CNTNAP2: variants seen among roughly 807,000 people sequenced by gnomAD.
CNTNAP2 encodes contactin-associated protein-like 2.
A neutral mutation model predicts 155.2 loss-of-function variants in CNTNAP2; 98 were observed. The observed-to-expected ratio is 0.63, with a 90% CI of 0.54 to 0.75. CNTNAP2 has a LOEUF of 0.75. CNTNAP2 is among the 30% of genes least tolerant of loss of function. CNTNAP2 has a pLI of 0.00. For missense variants in CNTNAP2, 1,727 were observed against 1,688.1 expected, an observed-to-expected ratio of 1.02 and a Z score of -0.40; for synonymous variants, 651 against 631.2, an observed-to-expected ratio of 1.03 and a Z score of -0.47.
intron 13 of CNTNAP2, among the ~76,000 whole-genome samples, chr7:147,723,602 C>G (rs1319911658): frequency 6.6e-6 from 1 of 151,374 alleles, no homozygotes; most frequent in Admixed American, 6.6e-5. Flanking sequence ...TTGCAAAACT[C>G]TGCTTATACG....
At chr7:146,976,721 A>G (rs1213651003) in intron 3 of CNTNAP2, among the ~76,000 whole-genome samples, 1 of 152,094 alleles carries the variant, frequency 6.6e-6, no homozygotes, top group Non-Finnish European at 1.5e-5. Context: ...ATTGCATTGG[A>G]CAGGCATGAT....
At chr7:146,628,622 TA>T (rs1196125396) in intron 1 of CNTNAP2, among the ~76,000 whole-genome samples, 4 of 152,018 alleles carry the variant, frequency 2.6e-5, no homozygotes, top group Non-Finnish European at 4.4e-5. Flanking sequence ...ATGTCAATTT[TA>T]AAAAATAAAA....
chr7:147,652,688 T>C (rs1795465417), intron 13 of CNTNAP2, among the ~76,000 whole-genome samples: 1 of 151,644 alleles, frequency 6.6e-6, no homozygotes, highest in African/African-American at 2.4e-5. Context: ...CTAGACTCTA[T>C]ATATTTTCTA....
intron 1 of CNTNAP2, among the ~76,000 whole-genome samples, chr7:146,526,798 T>C (rs192601707): frequency 6.2e-4 from 95 of 152,296 alleles, no homozygotes; most frequent in African/African-American, 2.2e-3. Flanking sequence ...TTCCCAGAAG[T>C]TGGGTTTATT....
chr7:147,597,044 C>T (rs562316597), intron 12 of CNTNAP2, among the ~76,000 whole-genome samples: 82 of 152,352 alleles, frequency 5.4e-4, no homozygotes, highest in African/African-American at 1.6e-3. Context: ...GAATAGTCTA[C>T]CCCTTGTTTA....
chr7:147,998,134 C>T (rs1801839917), intron 15 of CNTNAP2, among the ~76,000 whole-genome samples: 1 of 97,430 alleles, frequency 1.0e-5, no homozygotes, highest in Non-Finnish European at 1.9e-5. Context: ...TTTTTTGAGA[C>T]GGAGTCTCAC....
rs369284735 is a variant in CNTNAP2, at chr7:146,550,157, T to C, written c.98-224114T>C. On this transcript the variant is annotated intron_variant, in intron 1 of 23. Transcript: ENST00000361727. Reference sequence around the variant, plus strand: ...CTAGTAGATTTGATAATTGTGTTATTTGAAGATCAACTGAATTTTTGCACA... The same window carrying C: ...CTAGTAGATTTGATAATTGTGTTATCTGAAGATCAACTGAATTTTTGCACA... Among the ~76,000 whole-genome samples, 28 of 152,094 alleles carry C rather than the reference T, an allele frequency of 1.8e-4. No individual in the cohort carries two copies. The East Asian group carries it at 5.2e-3, about 28-fold the overall frequency.
chr7:147,076,730 A>G (rs942899876), intron 4 of CNTNAP2, among the ~76,000 whole-genome samples: 2 of 152,192 alleles, frequency 1.3e-5, no homozygotes, highest in East Asian at 1.9e-4. Context: ...TGTAAATTTC[A>G]TTAATACTAT....
chr7:146,797,353 T>C (rs968471207), intron 2 of CNTNAP2, among the ~76,000 whole-genome samples: 2 of 152,104 alleles, frequency 1.3e-5, no homozygotes, highest in African/African-American at 4.8e-5. Context: ...TGGAGAAGAT[T>C]GTATGGGAGG....
intron 2 of CNTNAP2, among the ~76,000 whole-genome samples, chr7:146,777,199 T>C (rs1320142483): frequency 7.4e-6 from 1 of 135,074 alleles, no homozygotes; most frequent in Non-Finnish European, 1.7e-5. Context: ...GTCCTATAGA[T>C]ATAGATCTAC....
chr7:146,766,305 C>A (rs1316940920), intron 1 of CNTNAP2, among the ~76,000 whole-genome samples: 1 of 152,114 alleles, frequency 6.6e-6, no homozygotes, highest in African/African-American at 2.4e-5. Context: ...TTTAAAACTG[C>A]AGAAACCTCT....
chr7:146,866,498 A>G (rs1383468521), intron 3 of CNTNAP2, among the ~76,000 whole-genome samples: 2 of 152,170 alleles, frequency 1.3e-5, no homozygotes, highest in Non-Finnish European at 2.9e-5. Context: ...TAGCAATAAT[A>G]TTAACATTCC....
chr7:147,934,955 A>G (rs894844232), intron 14 of CNTNAP2, among the ~76,000 whole-genome samples: 3 of 152,206 alleles, frequency 2.0e-5, no homozygotes, highest in African/African-American at 7.2e-5. Context: ...GTTTAAATTT[A>G]TAAGATGAGT....
intron 11 of CNTNAP2, among the ~76,000 whole-genome samples, chr7:147,529,536 T>C (rs1018377466): frequency 1.3e-5 from 2 of 151,952 alleles, no homozygotes; most frequent in Middle Eastern, 3.2e-3. Context: ...AAAGTAACAA[T>C]GCTGTTTTTT....
chr7:147,855,078 C>A (rs180890075), intron 13 of CNTNAP2, among the ~76,000 whole-genome samples: 1 of 152,216 alleles, frequency 6.6e-6, no homozygotes, highest in South Asian at 2.1e-4. Context: ...TTCTTTAACA[C>A]GATTACTAGA....
At chr7:148,335,219 A>G (rs1241231959) in intron 21 of CNTNAP2, among the ~76,000 whole-genome samples, 1 of 152,190 alleles carries the variant, frequency 6.6e-6, no homozygotes, top group Admixed American at 6.5e-5. Context: ...AGAGAGGCCA[A>G]CCCACTCTAA....
At chr7:147,830,976 A>ATTACC (rs1798536931) in intron 13 of CNTNAP2, among the ~76,000 whole-genome samples, 1 of 152,196 alleles carries the variant, frequency 6.6e-6, no homozygotes. Context: ...TACCAATTGC[A>ATTACC]TTACCATAGC....
intron 13 of CNTNAP2, among the ~76,000 whole-genome samples, chr7:147,799,427 A>G (rs2116586095): frequency 6.6e-6 from 1 of 152,280 alleles, no homozygotes; most frequent in African/African-American, 2.4e-5. Context: ...ATTGGGAAGA[A>G]GACGTGGTCC....
At chr7:146,316,661 G>A (rs1458991884) in intron 1 of CNTNAP2, among the ~76,000 whole-genome samples, 1 of 152,090 alleles carries the variant, frequency 6.6e-6, no homozygotes, top group Non-Finnish European at 1.5e-5. Flanking sequence ...CTTAACATAC[G>A]TCCATAAGAT....
Sources: allele counts gnomAD v4.1 joint callset (sites outside exome capture counted in the v4.1 genomes callset), GRCh38; gene constraint gnomAD v4.1.1; transcripts MANE v1.5; gene names NCBI Gene and HGNC (gene_info 2026-07-23, HGNC 2026-07-21).